AKT3: variants seen among roughly 807,000 people sequenced by gnomAD.
AKT3 encodes AKT serine/threonine kinase 3, also known as RAC-gamma serine/threonine-protein kinase.
Under a neutral mutation model 65.3 loss-of-function variants are expected in AKT3, and 15 were observed. The ratio of observed to expected loss-of-function variants is 0.23; its 90% CI spans 0.15 to 0.35. AKT3 has a LOEUF of 0.35. Among genes scored for constraint, AKT3 ranks in the 10% least tolerant of loss-of-function variants. The pLI is 1.00. For missense variants in AKT3, 243 were observed against 576.5 expected (o/e 0.42, Z 5.92); for synonymous variants, 206 against 183.8 (o/e 1.12, Z -0.98).
chr1:243,769,196 A>G (rs1690018087), intron 2 of AKT3, among the ~76,000 whole-genome samples: 1 of 152,162 alleles, frequency 6.6e-6, no homozygotes, highest in Non-Finnish European at 1.5e-5. Context: ...ATGAATAATC[A>G]TAATTTGCTT....
intron 3 of AKT3, among the ~76,000 whole-genome samples, chr1:243,691,564 C>T (rs1684694594): frequency 6.6e-6 from 1 of 151,670 alleles, no homozygotes; most frequent in African/African-American, 2.4e-5. Flanking sequence ...AAGAAATATG[C>T]AGAATCAGCA....
chr1:243,821,994 C>T (rs1373907691), intron 2 of AKT3, among the ~76,000 whole-genome samples: 1 of 152,212 alleles, frequency 6.6e-6, no homozygotes, highest in African/African-American at 2.4e-5. Flanking sequence ...CTTGGTGCCA[C>T]ATGGCACATA....
intron 3 of AKT3, among the ~76,000 whole-genome samples, chr1:243,693,072 G>T (rs1684804242): frequency 6.6e-6 from 1 of 150,830 alleles, no homozygotes; most frequent in South Asian, 2.1e-4. Flanking sequence ...ATTTAATTAA[G>T]ATTGGAAGTT....
In AKT3 at chr1:243,719,911, G is replaced by A. The variant is rs551057194; in HGVS notation, c.47-24195C>T. Among the ~76,000 whole-genome samples, 5 of 152,250 alleles carry A rather than the reference G, an allele frequency of 3.3e-5. No individual in the cohort carries two copies. The South Asian group carries it at 6.2e-4, about 19-fold the overall frequency. ...CAGAGTAGGTGTATTACGCGCAAAC[G>A]GATTTGGCCAATCTCTGCTACACTG... On this transcript the variant is annotated intron_variant, in intron 2 of 13. Transcript: ENST00000673466.
At chr1:243,492,286 G>A (rs1195422056) in intron 13 of AKT3, among the ~76,000 whole-genome samples, 4 of 125,018 alleles carry the variant, frequency 3.2e-5, no homozygotes, top group Admixed American at 9.1e-5. Flanking sequence ...CTCTCGGCTC[G>A]TTTCTTGGCT....
At chr1:243,761,899 A>T (rs1362795384) in intron 2 of AKT3, among the ~76,000 whole-genome samples, 1 of 152,126 alleles carries the variant, frequency 6.6e-6, no homozygotes, top group Non-Finnish European at 1.5e-5. Context: ...TGATTCCTTT[A>T]TCCTGGAATC....
intron 2 of AKT3, among the ~76,000 whole-genome samples, chr1:243,758,811 T>C (rs1049063696): frequency 6.6e-6 from 1 of 152,166 alleles, no homozygotes; most frequent in African/African-American, 2.4e-5. Context: ...GTGGTAATGC[T>C]CGCTCACCTC....
In AKT3 at chr1:243,642,373, G is replaced by T. The variant is rs576991143; in HGVS notation, c.429+3520C>A. 2.0e-5 allele frequency among the ~76,000 whole-genome samples: 3 copies of T among 152,340 alleles called. No individual in the cohort carries two copies. In the East Asian group the frequency reaches 5.8e-4, roughly 29 times the overall value. ...CGCCCAGGCTAGAGTGCAGTGGCAC[G>T]ATCTCGGCTCACTGCAAGCTCTGCC... is the stretch of plus-strand genomic sequence containing the variant. On this transcript the variant is annotated intron_variant, in intron 5 of 13. Transcript: ENST00000673466.
Position 243,619,468 on chromosome 1 carries a change from T to A in AKT3, c.562-4307A>T, listed in dbSNP as rs1238711182. On this transcript the variant is annotated intron_variant, in intron 6 of 13. Transcript: ENST00000673466. ...ACACTAGGTCTTATTACAACTGTAC[T>A]TCTGTACCTATTAATCAACTCCATC... Among the ~76,000 whole-genome samples the A allele has an allele frequency of 2.5e-4, 10 of 40,736 alleles. 4 individuals are homozygous for A. The highest frequency in any genetic ancestry group is 1.3e-3 in the Non-Finnish European group (9 of 7,000). The allele number at this position is 40,736 out of a possible 152,430, so 26.7% of individuals were successfully genotyped here. A position where few individuals can be genotyped will look rare whatever the true frequency, so the allele number is the denominator to read the frequency against.
At chr1:243,604,795 T>G (rs1308775816) in intron 8 of AKT3, among the ~76,000 whole-genome samples, 1 of 152,200 alleles carries the variant, frequency 6.6e-6, no homozygotes, top group Non-Finnish European at 1.5e-5. Context: ...ATAGTATGTT[T>G]TCCTTATTTA....
At chr1:243,740,789 C>CA (rs772078152) in intron 2 of AKT3, 2 of 152,194 alleles carry the variant, frequency 1.3e-5, no homozygotes, top group African/African-American at 2.4e-5. Context: ...CTCAGACCTC[C>CA]ACTTGGACTT....
At chr1:243,721,650 T>C (rs1216920483) in intron 2 of AKT3, among the ~76,000 whole-genome samples, 1 of 152,158 alleles carries the variant, frequency 6.6e-6, no homozygotes, top group Non-Finnish European at 1.5e-5. Context: ...AGTACCCTTA[T>C]AATTCTTATA....
chr1:243,566,768 CTT>C (rs771471311), intron 9 of AKT3, among the ~76,000 whole-genome samples: 6 of 152,094 alleles, frequency 3.9e-5, no homozygotes, highest in Non-Finnish European at 7.4e-5. Flanking sequence ...TAAATGCAAA[CTT>C]AACATACCAT....
intron 2 of AKT3, among the ~76,000 whole-genome samples, chr1:243,707,100 G>C (rs1259475705): frequency 6.6e-6 from 1 of 152,128 alleles, no homozygotes; most frequent in African/African-American, 2.4e-5. Context: ...CTAGCTCACT[G>C]CAAGCATTAT....
intron 8 of AKT3, among the ~76,000 whole-genome samples, chr1:243,594,142 T>C (rs767018196): frequency 2.0e-5 from 3 of 152,138 alleles, no homozygotes; most frequent in Non-Finnish European, 4.4e-5. Context: ...CCAACTATAT[T>C]CTTATATGCT....
chr1:243,532,112 T>C (rs1364155861), intron 12 of AKT3, among the ~76,000 whole-genome samples: 1 of 152,208 alleles, frequency 6.6e-6, no homozygotes, highest in Admixed American at 6.5e-5. Flanking sequence ...TTATTTCTCT[T>C]ATTTAACTCC....
chr1:243,564,831 A>G (rs1215555984), intron 9 of AKT3, among the ~76,000 whole-genome samples: 1 of 152,208 alleles, frequency 6.6e-6, no homozygotes, highest in Admixed American at 6.5e-5. Flanking sequence ...AGGATAAATG[A>G]TAGTTAACTT....
chr1:243,713,746 TAAAAA>T (rs572960154), intron 2 of AKT3, among the ~76,000 whole-genome samples: 2 of 82,976 alleles, frequency 2.4e-5, no homozygotes, highest in South Asian at 5.9e-4. Context: ...TTTGCCTTAA[TAAAAA>T]AAAAAAAAAA....
intron 2 of AKT3, among the ~76,000 whole-genome samples, chr1:243,758,351 A>T (rs1202055280): frequency 6.6e-6 from 1 of 152,216 alleles, no homozygotes; most frequent in Non-Finnish European, 1.5e-5. Context: ...GGAAAATTAA[A>T]ACGATGTGAG....
Sources: allele counts gnomAD v4.1 joint callset (sites outside exome capture counted in the v4.1 genomes callset), GRCh38; gene constraint gnomAD v4.1.1; transcripts MANE v1.5; gene names NCBI Gene and HGNC (gene_info 2026-07-23, HGNC 2026-07-21).